The following NEMP2 variants were observed in gnomAD, a reference collection of about 807,000 sequenced individuals.
NEMP2 encodes the protein nuclear envelope integral membrane protein 2.
A neutral mutation model predicts 54.2 loss-of-function variants in NEMP2; 53 were observed. The ratio of observed to expected loss-of-function variants is 0.98; its 90% CI spans 0.78 to 1.23. NEMP2 has a LOEUF of 1.23. Ranked by LOEUF, NEMP2 falls within the 50% of genes most tolerant of loss-of-function variation. NEMP2 has a pLI of 0.00. For missense variants in NEMP2, 455 were observed against 511.3 expected, an observed-to-expected ratio of 0.89 and a Z score of 1.06; for synonymous variants, 197 against 190.3, an observed-to-expected ratio of 1.04 and a Z score of -0.29.
chr2:190,615,661 T>C, the NEMP2 span, among the ~76,000 whole-genome samples: 1 of 152,096 alleles, frequency 6.6e-6, no homozygotes, highest in Non-Finnish European at 1.5e-5. This position sits in a 1 kb window ranked among gnomAD's most constrained non-coding sequence, Gnocchi z 4.7. Context: ...GGGGATGAGG[T>C]TGAAATTTCC....
intron 7 of NEMP2, among the ~76,000 whole-genome samples, chr2:190,511,012 A>G (rs1315343326): frequency 6.6e-6 from 1 of 152,178 alleles, no homozygotes; most frequent in Non-Finnish European, 1.5e-5. Flanking sequence ...GAGAACATGT[A>G]GTTTGGGCCT....
chr2:190,564,693 A>G, the NEMP2 span, among the ~76,000 whole-genome samples: 1 of 152,222 alleles, frequency 6.6e-6, no homozygotes, highest in African/African-American at 2.4e-5. This position sits in a 1 kb window ranked among gnomAD's most constrained non-coding sequence, Gnocchi z 4.2. Context: ...GCAAGAGACA[A>G]GTAAGGACCT....
chr2:190,441,524 CA>C, the NEMP2 span, among the ~76,000 whole-genome samples: 1 of 152,018 alleles, frequency 6.6e-6, no homozygotes, highest in Non-Finnish European at 1.5e-5. Flanking sequence ...TTTCTCTTTC[CA>C]GCTCATGCAG....
At chr2:190,625,017 T>C in the NEMP2 span, 2 of 152,188 alleles carry the variant, frequency 1.3e-5, no homozygotes, top group East Asian at 3.8e-4. Context: ...AGAATGCAAA[T>C]GATGCAGTCA....
In NEMP2 at chr2:190,514,352, A is replaced by T. The variant is rs1690473868; in HGVS notation, c.953+101T>A. 1.8e-6 allele frequency: 2 copies of T among 1,134,294 alleles called. No individual in the cohort carries two copies. The highest frequency in any genetic ancestry group is 4.2e-5 in the Admixed American group (2 of 47,784). 70.3% of individuals were successfully genotyped at this position (1,134,294 alleles called of 1,614,324 possible). ...GCTCAGAATGAAATCTCCAGATCAA[A>T]TGTAATTATGAGATTAACATGATGT... On this transcript the variant is annotated intron_variant, in intron 7 of 8. Coordinates refer to ENST00000409150, the MANE Select transcript of NEMP2 (RefSeq NM_001142645.2). The surrounding 1 kb of genome is among the most constrained non-coding windows in gnomAD (Gnocchi z 5.7).
the NEMP2 span, among the ~76,000 whole-genome samples, chr2:190,465,219 G>A: frequency 1.3e-5 from 2 of 152,190 alleles, no homozygotes. The surrounding 1 kb of genome is among the most constrained non-coding windows in gnomAD (Gnocchi z 4.6). Context: ...CCACAGGGTA[G>A]TGTTTTCTGC....
chr2:190,610,021 G>T, the NEMP2 span: 1 of 152,152 alleles, frequency 6.6e-6, no homozygotes, highest in African/African-American at 2.4e-5. This position sits in a 1 kb window ranked among gnomAD's most constrained non-coding sequence, Gnocchi z 5.4. Flanking sequence ...GGAAGAATGG[G>T]GGAAAAGGAA....
downstream of NEMP2, chr2:190,499,964 G>T: frequency 1.2e-6 from 2 of 1,608,538 alleles, no homozygotes; most frequent in South Asian, 1.1e-5. This position sits in a 1 kb window ranked among gnomAD's most constrained non-coding sequence, Gnocchi z 6.0. Flanking sequence ...TAAAAAGTTG[G>T]ATTTATTTGC....
the NEMP2 span, among the ~76,000 whole-genome samples, chr2:190,636,930 T>C: frequency 6.6e-6 from 1 of 152,208 alleles, no homozygotes; most frequent in Non-Finnish European, 1.5e-5. Context: ...GTTCTTAGCA[T>C]CTTGCTTAAA....
chr2:190,556,192 T>C, the NEMP2 span, among the ~76,000 whole-genome samples: 181 of 152,344 alleles, frequency 1.2e-3, no homozygotes, highest in Middle Eastern at 0.01. Flanking sequence ...TCAATAATTG[T>C]GATCCATCAC....
chr2:190,533,428 A>G lies in NEMP2; in HGVS notation c.97+1131T>C, dbSNP rs1438900591. ...CCCGCATAGGGCTTCTATGGGTATT[A>G]AATATGATAGATACTGCAGTTAAAG... On this transcript the variant is annotated intron_variant, in intron 1 of 8. Coordinates refer to ENST00000409150, the MANE Select transcript of NEMP2 (RefSeq NM_001142645.2). This position sits in a 1 kb window ranked among gnomAD's most constrained non-coding sequence, Gnocchi z 4.3. Among the ~76,000 whole-genome samples, 1 of 152,234 alleles carries G rather than the reference A, an allele frequency of 6.6e-6. No individual in the cohort carries two copies. Among genetic ancestry groups the G allele is most frequent in the Non-Finnish European group, 1.5e-5 (1 of 68,050 alleles).
Position 190,519,234 on chromosome 2 carries a change from G to A in NEMP2, c.214-51C>T. 4.5e-6 allele frequency: 6 copies of A among 1,320,878 alleles called. No individual in the cohort carries two copies. The South Asian group carries it at 6.6e-5, about 15-fold the overall frequency. The allele number at this position is 1,320,878 out of a possible 1,614,324, so 81.8% of individuals were successfully genotyped here. Reference sequence around the variant, plus strand: ...ATAAACAGAATAACTTCTCTTTTTTGTTTTGGAGACAGGGTCTCCCTCTGT... The same window carrying A: ...ATAAACAGAATAACTTCTCTTTTTTATTTTGGAGACAGGGTCTCCCTCTGT... On this transcript the variant is annotated intron_variant, in intron 2 of 8. Transcript: ENST00000409150. This position sits in a 1 kb window ranked among gnomAD's most constrained non-coding sequence, Gnocchi z 5.4.
the NEMP2 span, among the ~76,000 whole-genome samples, chr2:190,640,310 C>A: frequency 6.6e-6 from 1 of 152,012 alleles, no homozygotes; most frequent in Non-Finnish European, 1.5e-5. Context: ...ACTCTTGGTT[C>A]GACTTGCCAA....
At chr2:190,478,964 C>T in the NEMP2 span, among the ~76,000 whole-genome samples, 3 of 152,114 alleles carry the variant, frequency 2.0e-5, no homozygotes, top group Non-Finnish European at 4.4e-5. Context: ...AAAGATGTGC[C>T]TCATTCTATA....
the NEMP2 span, among the ~76,000 whole-genome samples, chr2:190,430,692 T>C: frequency 1.3e-5 from 2 of 151,594 alleles, no homozygotes; most frequent in African/African-American, 4.8e-5. Context: ...GCCATTGTCA[T>C]CATGGCCCGT....
At chr2:190,430,166 G>A in the NEMP2 span, among the ~76,000 whole-genome samples, 25 of 151,812 alleles carry the variant, frequency 1.6e-4, no homozygotes, top group Non-Finnish European at 2.2e-4. Context: ...TCCCTGCAAA[G>A]GACATGAACG....
chr2:190,523,918 T>C lies in NEMP2; in HGVS notation c.213+1345A>G, dbSNP rs1690839079. On this transcript the variant is annotated intron_variant, in intron 2 of 8. Coordinates refer to ENST00000409150, the MANE Select transcript of NEMP2 (RefSeq NM_001142645.2). This position sits in a 1 kb window ranked among gnomAD's most constrained non-coding sequence, Gnocchi z 5.3. ...ATGCCAATGAATGTAAATGGAATAA[T>C]GGTGCCAGGCGCAGTGGCTTGCGCC... Among the ~76,000 whole-genome samples the C allele has an allele frequency of 6.6e-6, 1 of 151,994 alleles. No homozygotes were observed. The highest frequency in any genetic ancestry group is 1.5e-5 in the Non-Finnish European group (1 of 67,988).
At chr2:190,526,423 G>A (rs181326513) in intron 1 of NEMP2, among the ~76,000 whole-genome samples, 1 of 152,322 alleles carries the variant, frequency 6.6e-6, no homozygotes, top group East Asian at 1.9e-4. Context: ...GGGAATACCA[G>A]CTCAATAAGG....
the NEMP2 span, among the ~76,000 whole-genome samples, chr2:190,439,875 AC>A: frequency 6.6e-6 from 1 of 152,364 alleles, no homozygotes; most frequent in East Asian, 1.9e-4. This position sits in a 1 kb window ranked among gnomAD's most constrained non-coding sequence, Gnocchi z 5.8. Flanking sequence ...ATGTCCACAT[AC>A]TTAGGTAGAA....
Sources: gnomAD v4.1 joint callset for allele counts (sites outside exome capture counted in the v4.1 genomes callset) on GRCh38, gnomAD v4.1.1 for gene constraint, Gnocchi (gnomAD v3.1) non-coding constraint, MANE v1.5 for transcripts, NCBI Gene and HGNC (gene_info 2026-07-23, HGNC 2026-07-21) for gene names.